Variants in ZBTB20 observed in about 807,000 individuals in gnomAD.
The protein encoded by ZBTB20 is zinc finger and BTB domain-containing protein 20.
A neutral mutation model predicts 56.9 loss-of-function variants in ZBTB20; 9 were observed. The ratio of observed to expected loss-of-function variants is 0.16; its 90% CI spans 0.10 to 0.28. The LOEUF is 0.28. ZBTB20 is among the 10% of genes least tolerant of loss of function. The pLI, the probability that ZBTB20 is intolerant of heterozygous loss-of-function variation, is 1.00. For missense variants in ZBTB20, 655 were observed against 1,003.0 expected (o/e 0.65, Z 4.69); for synonymous variants, 417 against 420.7 (o/e 0.99, Z 0.11).
At chr3:114,970,032 C>T (rs981899621) in intron 3 of ZBTB20, among the ~76,000 whole-genome samples, 1 of 152,176 alleles carries the variant, frequency 6.6e-6, no homozygotes, top group Non-Finnish European at 1.5e-5. Context: ...TTCCACTTAG[C>T]CTGGTAAGTG....
At chr3:114,930,608 G>A in intron 3 of ZBTB20, 1 of 160,316 alleles carries the variant, frequency 6.2e-6, no homozygotes. Flanking sequence ...CTGCAGCGGC[G>A]CAGGGAGCAG....
At chr3:115,085,687 T>C (rs1444240952) in intron 1 of ZBTB20, among the ~76,000 whole-genome samples, 3 of 151,946 alleles carry the variant, frequency 2.0e-5, no homozygotes, top group Non-Finnish European at 4.4e-5. Flanking sequence ...AGAGAATTCA[T>C]TTTAAGCTTA....
intron 6 of ZBTB20, among the ~76,000 whole-genome samples, chr3:114,668,016 A>T (rs762270618): frequency 1.3e-5 from 2 of 152,060 alleles, no homozygotes. Flanking sequence ...TACATATTTT[A>T]AAAATTGTGT....
At chr3:114,404,779 C>T (rs564780913) in intron 7 of ZBTB20, among the ~76,000 whole-genome samples, 1 of 152,200 alleles carries the variant, frequency 6.6e-6, no homozygotes, top group African/African-American at 2.4e-5. Flanking sequence ...CTCTGGTTAC[C>T]CATGACTCGC....
chr3:114,640,321 C>T (rs2059492367), intron 6 of ZBTB20, among the ~76,000 whole-genome samples: 1 of 152,084 alleles, frequency 6.6e-6, no homozygotes, highest in Non-Finnish European at 1.5e-5. Flanking sequence ...GGCACTCTTC[C>T]TTCTAATTAG....
chr3:114,859,373 C>T (rs1472042603), intron 4 of ZBTB20, among the ~76,000 whole-genome samples: 1 of 137,014 alleles, frequency 7.3e-6, no homozygotes, highest in East Asian at 2.0e-4. Flanking sequence ...TCCTTCCTTT[C>T]TTCCTTCCTT....
chr3:114,583,808 G>A (rs1021681017), intron 6 of ZBTB20, among the ~76,000 whole-genome samples: 1 of 152,124 alleles, frequency 6.6e-6, no homozygotes, highest in African/African-American at 2.4e-5. Flanking sequence ...TTAGATTTAA[G>A]CACATCAGTG....
Position 114,438,435 on chromosome 3 carries a change from C to CAAA in ZBTB20, c.-254-49331_-254-49330insTTT, listed in dbSNP as rs1559789518. Reference sequence around the variant, plus strand: ...CCTTGCCAAAAAAAAACAAAAAAAACCAAAAAAAAACAAAACAAAACTTGG... The same window carrying CAAA: ...CCTTGCCAAAAAAAAACAAAAAAAACAAACAAAAAAAAACAAAACAAAACTTGG... On this transcript the variant is annotated intron_variant, in intron 7 of 11. Coordinates refer to ENST00000675478, the MANE Select transcript of ZBTB20 (RefSeq NM_001348800.3). Among the ~76,000 whole-genome samples the CAAA allele has an allele frequency of 4.1e-5, 6 of 145,574 alleles. No individual in the cohort carries two copies. The South Asian group carries it at 1.3e-3, about 31-fold the overall frequency.
intron 6 of ZBTB20, among the ~76,000 whole-genome samples, chr3:114,659,288 A>C (rs1319086668): frequency 6.6e-6 from 1 of 152,154 alleles, no homozygotes; most frequent in Non-Finnish European, 1.5e-5. Flanking sequence ...TAATCAACTT[A>C]ACTTTTAAAG....
At chr3:115,015,644 T>C (rs1057384537) in intron 2 of ZBTB20, among the ~76,000 whole-genome samples, 2 of 151,992 alleles carry the variant, frequency 1.3e-5, no homozygotes, top group Admixed American at 1.3e-4. Context: ...GAAAAGGACA[T>C]GATCTCATTT....
intron 6 of ZBTB20, among the ~76,000 whole-genome samples, chr3:114,539,350 T>C (rs1190936641): frequency 6.6e-6 from 1 of 152,180 alleles, no homozygotes; most frequent in Admixed American, 6.6e-5. Context: ...CCCATTTTGT[T>C]ATGTTGATTC....
At chr3:115,044,342 T>C (rs1232033522) in intron 2 of ZBTB20, among the ~76,000 whole-genome samples, 2 of 152,176 alleles carry the variant, frequency 1.3e-5, no homozygotes, top group Non-Finnish European at 2.9e-5. Flanking sequence ...TCCATAGAGC[T>C]GATTTTGATT....
chr3:114,391,098 C>T (rs1437471715), intron 7 of ZBTB20, among the ~76,000 whole-genome samples: 1 of 152,144 alleles, frequency 6.6e-6, no homozygotes, highest in Non-Finnish European at 1.5e-5. Flanking sequence ...CTATTTCTCC[C>T]TTTGCTACCT....
intron 2 of ZBTB20, among the ~76,000 whole-genome samples, chr3:115,000,733 T>C (rs942762743): frequency 2.6e-5 from 4 of 151,636 alleles, no homozygotes; most frequent in African/African-American, 4.8e-5. Flanking sequence ...AAAAGTAATT[T>C]ACCAGGTTCC....
At chr3:114,394,464 G>T (rs1013726123) in intron 7 of ZBTB20, among the ~76,000 whole-genome samples, 2 of 152,138 alleles carry the variant, frequency 1.3e-5, no homozygotes, top group Admixed American at 1.3e-4. Context: ...GAAAGATCTG[G>T]GAGCACAGAC....
At chr3:114,592,583 T>C (rs373071684) in intron 6 of ZBTB20, among the ~76,000 whole-genome samples, 9 of 152,206 alleles carry the variant, frequency 5.9e-5, no homozygotes, top group African/African-American at 2.2e-4. Flanking sequence ...AACTCAAGTA[T>C]AATGGCAATC....
chr3:114,689,124 A>C (rs1578353749), intron 6 of ZBTB20, among the ~76,000 whole-genome samples: 1 of 152,146 alleles, frequency 6.6e-6, no homozygotes, highest in East Asian at 1.9e-4. Flanking sequence ...TTTTGTCTTG[A>C]GTGGGGTTTT....
intron 7 of ZBTB20, among the ~76,000 whole-genome samples, chr3:114,446,993 A>T (rs2091311967): frequency 6.6e-6 from 1 of 152,178 alleles, no homozygotes. Context: ...ATATTTCTCC[A>T]CTTGGTACCA....
intron 3 of ZBTB20, among the ~76,000 whole-genome samples, chr3:114,938,327 T>C (rs1482166511): frequency 6.9e-6 from 1 of 145,950 alleles, no homozygotes; most frequent in Non-Finnish European, 1.5e-5. Context: ...TTTTGGTGTT[T>C]TAGTCATGAA....
Sources: allele counts gnomAD v4.1 joint callset (sites outside exome capture counted in the v4.1 genomes callset), GRCh38; gene constraint gnomAD v4.1.1; transcripts MANE v1.5; gene names NCBI Gene and HGNC (gene_info 2026-07-23, HGNC 2026-07-21).